Variants in TSGA10 observed in about 807,000 individuals in gnomAD.
TSGA10 encodes the protein testis-specific gene 10 protein.
TSGA10 carries 43 observed loss-of-function variants against 96.6 expected under a neutral mutation model. That is an observed-to-expected ratio of 0.44 (90% confidence interval 0.35 to 0.57). TSGA10 has a LOEUF of 0.57. Ranked by LOEUF, TSGA10 falls within the 20% of genes least tolerant of loss-of-function variation. The pLI, the probability that TSGA10 is intolerant of heterozygous loss-of-function variation, is 0.01. For missense variants in TSGA10, 703 were observed against 834.4 expected, an observed-to-expected ratio of 0.84 and a Z score of 1.94; for synonymous variants, 229 against 269.9, an observed-to-expected ratio of 0.85 and a Z score of 1.48.
At chr2:99,101,167 C>T (rs1359331389) in intron 10 of TSGA10, among the ~76,000 whole-genome samples, 2 of 132,646 alleles carry the variant, frequency 1.5e-5, no homozygotes, top group Non-Finnish European at 3.1e-5. Context: ...TGGCGTGAAC[C>T]CGGGAAGGCG....
At chr2:99,032,459 G>C (rs1001022022) in intron 17 of TSGA10, among the ~76,000 whole-genome samples, 1 of 152,172 alleles carries the variant, frequency 6.6e-6, no homozygotes, top group African/African-American at 2.4e-5. Flanking sequence ...AATATGTAGT[G>C]ACCGGCTATC....
chr2:99,154,012 T>C (rs1043701437), intron 1 of TSGA10, among the ~76,000 whole-genome samples: 1 of 152,228 alleles, frequency 6.6e-6, no homozygotes, highest in Non-Finnish European at 1.5e-5. Flanking sequence ...GCCTTAACTC[T>C]GGGCTGGCTT....
intron 1 of TSGA10, among the ~76,000 whole-genome samples, chr2:99,128,233 C>T (rs1434906350): frequency 1.3e-5 from 2 of 152,142 alleles, no homozygotes; most frequent in South Asian, 2.1e-4. Flanking sequence ...GATTTATTTC[C>T]CTTTTTTCTC....
intron 4 of TSGA10, chr2:99,117,161 T>TA (rs1169334037): frequency 6.6e-6 from 1 of 152,196 alleles, no homozygotes; most frequent in African/African-American, 2.4e-5. Context: ...TTTAGTTTGG[T>TA]AAAAATCTTT....
chr2:99,014,353 T>C (rs188221278), intron 20 of TSGA10, among the ~76,000 whole-genome samples: 4 of 151,842 alleles, frequency 2.6e-5, no homozygotes, highest in African/African-American at 9.7e-5. Context: ...TAATAATAAT[T>C]ATCATCATCA....
intron 1 of TSGA10, among the ~76,000 whole-genome samples, chr2:99,139,841 A>C (rs756134757): frequency 2.0e-5 from 3 of 152,226 alleles, no homozygotes; most frequent in Non-Finnish European, 2.9e-5. Context: ...AAGGAAAATC[A>C]AGGAAGTGGC....
chr2:99,129,543 C>T (rs768429425), intron 1 of TSGA10, among the ~76,000 whole-genome samples: 32 of 152,264 alleles, frequency 2.1e-4, no homozygotes, highest in Non-Finnish European at 3.5e-4. Flanking sequence ...GCTGGAGTTG[C>T]TATCCTCCCT....
chr2:99,068,755 C>T (rs998484058), intron 15 of TSGA10, 133 bp downstream of exon 15: 1 of 410,894 alleles, frequency 2.4e-6, no homozygotes, highest in African/African-American at 2.1e-5. Flanking sequence ...AGTTAACCCA[C>T]CATTGTCAAA....
chr2:99,126,897 T>C (rs1277420337), intron 2 of TSGA10, 151 bp downstream of exon 2: 6 of 667,806 alleles, frequency 9.0e-6, no homozygotes, highest in Non-Finnish European at 1.3e-5. Context: ...TCTATGTTTA[T>C]CAAAATGGTT....
intron 9 of TSGA10, 56 bp from the exon 10 acceptor site, chr2:99,104,174 T>C: frequency 1.3e-6 from 2 of 1,587,000 alleles, no homozygotes; most frequent in South Asian, 1.1e-5. Flanking sequence ...TTAGTAATCT[T>C]CCTGAAGGGC....
chr2:99,136,346 TA>T (rs1463742379), intron 1 of TSGA10, among the ~76,000 whole-genome samples: 1 of 152,130 alleles, frequency 6.6e-6, no homozygotes, highest in Admixed American at 6.5e-5. Flanking sequence ...TTTCTGGGGA[TA>T]AAAAGATGTA....
intron 20 of TSGA10, among the ~76,000 whole-genome samples, chr2:99,005,990 A>T (rs939590630): frequency 6.6e-6 from 1 of 152,214 alleles, no homozygotes; most frequent in Non-Finnish European, 1.5e-5. Flanking sequence ...ATAATGCCGC[A>T]TATCTACAAC....
chr2:99,007,260 GTGCACA>G (rs2104840251), intron 20 of TSGA10, among the ~76,000 whole-genome samples: 1 of 152,132 alleles, frequency 6.6e-6, no homozygotes, highest in Non-Finnish European at 1.5e-5. Context: ...CCTGCACATT[GTGCACA>G]TGCACCCTAG....
intron 1 of TSGA10, among the ~76,000 whole-genome samples, chr2:99,128,291 C>T (rs769846011): frequency 1.8e-4 from 27 of 152,186 alleles, no homozygotes; most frequent in Non-Finnish European, 2.9e-4. Flanking sequence ...GTTACTGCCC[C>T]ACCTGGAACC....
chr2:99,125,048 C>A (rs950925747), intron 2 of TSGA10: 4 of 152,102 alleles, frequency 2.6e-5, no homozygotes, highest in African/African-American at 9.7e-5. Flanking sequence ...TCCACCTATT[C>A]ATCCCCTCTC....
intron 16 of TSGA10, among the ~76,000 whole-genome samples, chr2:99,056,197 T>C (rs1331860609): frequency 7.8e-6 from 1 of 127,420 alleles, no homozygotes; most frequent in Non-Finnish European, 1.6e-5. Flanking sequence ...AGAGCAAGAC[T>C]TCGTCTCAAA....
chr2:99,009,571 CAAAAAAA>C (rs765452742), intron 20 of TSGA10, among the ~76,000 whole-genome samples: 5 of 45,434 alleles, frequency 1.1e-4, no homozygotes, highest in Admixed American at 2.8e-4. Context: ...GACCCTGTCT[CAAAAAAA>C]AAAAAAAAAA....
intron 3 of TSGA10, among the ~76,000 whole-genome samples, chr2:99,118,061 T>C (rs992515301): frequency 6.6e-6 from 1 of 152,200 alleles, no homozygotes; most frequent in Non-Finnish European, 1.5e-5. Context: ...CAAATATTTA[T>C]ATCTGCAATA....
intron 20 of TSGA10, among the ~76,000 whole-genome samples, chr2:99,015,962 G>T (rs956135820): frequency 6.6e-6 from 1 of 152,076 alleles, no homozygotes; most frequent in Non-Finnish European, 1.5e-5. Context: ...GGTGGTGAAA[G>T]AATTCTACAA....
Sources: gnomAD v4.1 joint callset for allele counts (sites outside exome capture counted in the v4.1 genomes callset) on GRCh38, gnomAD v4.1.1 for gene constraint, MANE v1.5 for transcripts, NCBI Gene and HGNC (gene_info 2026-07-23, HGNC 2026-07-21) for gene names.